The following CALB1 variants were observed in gnomAD, a reference collection of about 807,000 sequenced individuals.
CALB1 encodes the protein calbindin.
In CALB1, 16 loss-of-function variants were observed where a neutral mutation model predicts 46.7. The ratio of observed to expected loss-of-function variants is 0.34; its 90% CI spans 0.23 to 0.52. The LOEUF is 0.52. Among genes scored for constraint, CALB1 ranks in the 20% least tolerant of loss-of-function variants. CALB1 has a pLI of 0.95. For missense variants in CALB1, 224 were observed against 300.3 expected (o/e 0.75, Z 1.88); for synonymous variants, 90 against 112.8 (o/e 0.80, Z 1.28).
chr8:90,082,146 A>G, intron 1 of CALB1, 44 bp from the exon 2 acceptor site: 1 of 1,513,460 alleles, frequency 6.6e-7, no homozygotes, highest in Non-Finnish European at 9.2e-7. Flanking sequence ...ATCTCATTCC[A>G]AGTGTCTTTC....
intron 6 of CALB1, chr8:90,064,204 A>C (rs947896149): frequency 6.6e-6 from 1 of 151,846 alleles, no homozygotes; most frequent in Non-Finnish European, 1.5e-5. Flanking sequence ...GTCCAGTGTT[A>C]TAATGGATAT....
intron 9 of CALB1, chr8:90,061,554 C>T (rs537651043): frequency 2.1e-4 from 32 of 152,030 alleles, no homozygotes; most frequent in African/African-American, 7.7e-4. Context: ...AATTAACAAT[C>T]AGAAATTAGT....
intron 6 of CALB1, chr8:90,063,687 G>T: frequency 1.3e-5 from 6 of 467,800 alleles, no homozygotes; most frequent in South Asian, 1.1e-4. Context: ...GAGAAATAGT[G>T]GTTTTAGCTA....
At chr8:90,073,405 G>C (rs1391430291) in intron 3 of CALB1, among the ~76,000 whole-genome samples, 2 of 152,072 alleles carry the variant, frequency 1.3e-5, no homozygotes, top group Non-Finnish European at 2.9e-5. Flanking sequence ...GGATATAAAG[G>C]CCCAACGGTC....
At chr8:90,063,628 A>G (rs999257612) in intron 6 of CALB1, 167 bp from the exon 7 acceptor site, 14 of 605,958 alleles carry the variant, frequency 2.3e-5, no homozygotes, top group Non-Finnish European at 3.8e-5. Flanking sequence ...TCAATTCTGT[A>G]ATGTGTCCAT....
At chr8:90,066,842 A>T (rs953948731) in intron 5 of CALB1, among the ~76,000 whole-genome samples, 3 of 152,096 alleles carry the variant, frequency 2.0e-5, no homozygotes, top group Non-Finnish European at 2.9e-5. Context: ...TCAGAAAATG[A>T]ATTAATGCAA....
Position 90,060,258 on chromosome 8 carries a change from T to C in CALB1, c.701A>G (p.Tyr234Cys), listed in dbSNP as rs1404759618. The C allele has an allele frequency of 6.2e-7, 1 of 1,605,586 alleles. No homozygotes were observed. The highest frequency in any genetic ancestry group is 8.5e-7 in the Non-Finnish European group (1 of 1,172,354). The stretch of plus-strand genomic sequence containing the variant: ...CGACAAAGCCATTATGTTCTTCTTG[T>C]ATGTTGTAATATTATTAATATCCAG... ...QDLDINNITT[Y>C]KKNIMALSDG... Residue 234 changes from tyrosine to cysteine, a missense_variant, in exon 11 of 11, where the codon TAC becomes TGC. Coordinates refer to ENST00000265431, the MANE Select transcript of CALB1 (RefSeq NM_004929.4).
intron 10 of CALB1, 58 bp from the exon 11 acceptor site, chr8:90,060,344 T>G (rs1263388850): frequency 4.9e-6 from 5 of 1,012,940 alleles, no homozygotes; most frequent in Non-Finnish European, 7.9e-6. Flanking sequence ...AATTAACCAC[T>G]GTCAAGTGAT....
At chr8:90,077,977 G>A (rs1814649959) in intron 3 of CALB1, among the ~76,000 whole-genome samples, 1 of 152,102 alleles carries the variant, frequency 6.6e-6, no homozygotes, top group Non-Finnish European at 1.5e-5. Flanking sequence ...ACTGTTAAGT[G>A]ATAAGAAATA....
chr8:90,079,010 T>G (rs1161206680), intron 2 of CALB1, among the ~76,000 whole-genome samples: 1 of 151,986 alleles, frequency 6.6e-6, no homozygotes, highest in Non-Finnish European at 1.5e-5. Context: ...ATTAAATAGA[T>G]TAGAGAGCTA....
At chr8:90,072,148 T>C (rs1814535967) in intron 3 of CALB1, among the ~76,000 whole-genome samples, 1 of 152,082 alleles carries the variant, frequency 6.6e-6, no homozygotes, top group Non-Finnish European at 1.5e-5. Flanking sequence ...ATATTTTACA[T>C]CTCCAAATTC....
intron 3 of CALB1, among the ~76,000 whole-genome samples, chr8:90,071,989 G>A (rs1001080060): frequency 1.3e-5 from 2 of 151,950 alleles, no homozygotes; most frequent in Non-Finnish European, 2.9e-5. Flanking sequence ...AAATGCTTGC[G>A]GATTGGTTGG....
intron 3 of CALB1, among the ~76,000 whole-genome samples, chr8:90,072,262 T>G (rs756117759): frequency 6.6e-6 from 1 of 152,234 alleles, no homozygotes; most frequent in Non-Finnish European, 1.5e-5. Context: ...TAAAAGTTCA[T>G]GTAACTCACA....
At chr8:90,079,001 TTAAA>T (rs1333728182) in intron 2 of CALB1, among the ~76,000 whole-genome samples, 1 of 152,006 alleles carries the variant, frequency 6.6e-6, no homozygotes, top group Non-Finnish European at 1.5e-5. Flanking sequence ...AATTTAAAAA[TTAAA>T]TAGATTAGAG....
intron 1 of CALB1, 127 bp downstream of exon 1, chr8:90,082,492 G>A: frequency 1.3e-6 from 1 of 780,290 alleles, no homozygotes; most frequent in Non-Finnish European, 2.2e-6. Context: ...GATAAGATTA[G>A]GCAGAAGGGG....
chr8:90,073,759 GTGC>G (rs1371531168), intron 3 of CALB1, among the ~76,000 whole-genome samples: 1 of 152,176 alleles, frequency 6.6e-6, no homozygotes, highest in African/African-American at 2.4e-5. Context: ...ACTAGGCACT[GTGC>G]TGGTGACCAC....
intron 9 of CALB1, chr8:90,061,117 A>G (rs1223304799): frequency 6.4e-6 from 1 of 156,954 alleles, no homozygotes; most frequent in Non-Finnish European, 1.4e-5. Flanking sequence ...CATCACAAAT[A>G]ACCTTTATTT....
chr8:90,079,525 A>G (rs953524055), intron 2 of CALB1, among the ~76,000 whole-genome samples: 48 of 151,996 alleles, frequency 3.2e-4, no homozygotes, highest in African/African-American at 1.1e-3. Context: ...CAGGTCCTAC[A>G]GTTTTTTTAT....
In CALB1 at chr8:90,082,191, A is replaced by G. The variant is rs1814745467; in HGVS notation, c.80-89T>C. On this transcript the variant is annotated intron_variant, in intron 1 of 10. Transcript: ENST00000265431. ...TTCCAAGACAGTTATCTTTCTGGCGACCCGAGAGGCTCTCTCTTGCCTGGA... is the reference window on the plus strand; with the variant it reads ...TTCCAAGACAGTTATCTTTCTGGCGGCCCGAGAGGCTCTCTCTTGCCTGGA... 3 of 1,148,106 alleles carry G rather than the reference A, an allele frequency of 2.6e-6. No homozygotes were observed. The Admixed American group carries it at 6.0e-5, about 23-fold the overall frequency. 71.1% of individuals were successfully genotyped at this position (1,148,106 alleles called of 1,614,324 possible). A position where few individuals can be genotyped will look rare whatever the true frequency, so the allele number is the denominator to read the frequency against.
Sources: allele counts gnomAD v4.1 joint callset (sites outside exome capture counted in the v4.1 genomes callset), GRCh38; gene constraint gnomAD v4.1.1; transcripts MANE v1.5; gene names NCBI Gene and HGNC (gene_info 2026-07-23, HGNC 2026-07-21).